Variants in GNPTAB observed in about 807,000 individuals in gnomAD.
GNPTAB encodes N-acetylglucosamine-1-phosphotransferase subunits alpha/beta.
A neutral mutation model predicts 136.6 loss-of-function variants in GNPTAB; 92 were observed. The ratio of observed to expected loss-of-function variants is 0.67; its 90% CI spans 0.57 to 0.80. The LOEUF is 0.80. Among genes scored for constraint, GNPTAB ranks in the 30% least tolerant of loss-of-function variants. The pLI, the probability that GNPTAB is intolerant of heterozygous loss-of-function variation, is 0.00. For missense variants in GNPTAB, 1,343 were observed against 1,501.8 expected, an observed-to-expected ratio of 0.89 and a Z score of 1.75; for synonymous variants, 512 against 535.1, an observed-to-expected ratio of 0.96 and a Z score of 0.60.
In GNPTAB at chr12:101,765,069, C is replaced by T. The variant is rs376352491; in HGVS notation, c.1848G>A (p.Thr616=). 4.2e-5 allele frequency: 68 copies of T among 1,613,910 alleles called. No individual in the cohort carries two copies. Among genetic ancestry groups the T allele is most frequent in the South Asian group, 2.3e-4 (21 of 91,074 alleles). The change falls in exon 13 of 21, where the codon ACG becomes ACA. Residue 616 remains threonine (T), a synonymous_variant. Coordinates refer to ENST00000299314, the MANE Select transcript of GNPTAB (RefSeq NM_024312.5). ...ACTCTTCATCGTTTGTATTTTGAAACGTGAGATTAAAATGTATTGTGGTGG... is the reference window on the plus strand; with the variant it reads ...ACTCTTCATCGTTTGTATTTTGAAATGTGAGATTAAAATGTATTGTGGTGG... The part of the protein sequence containing the change: ...MNATTIHFNL[T]FQNTNDEEFK...
chr12:101,817,523 C>T lies in GNPTAB; in HGVS notation c.117+13036G>A, dbSNP rs192208229. Among the ~76,000 whole-genome samples the T allele has an allele frequency of 1.2e-3, 185 of 152,178 alleles. 2 individuals carry two copies. Among genetic ancestry groups the T allele is most frequent in the African/African-American group, 4.1e-3 (170 of 41,518 alleles). ...AGTTCAAGCAACCCACCCACCTAAGCCTCTCAAAGTGCTGGGATTCAGGTG... is the reference window on the plus strand; with the variant it reads ...AGTTCAAGCAACCCACCCACCTAAGTCTCTCAAAGTGCTGGGATTCAGGTG... On this transcript the variant is annotated intron_variant, in intron 1 of 20. Coordinates refer to ENST00000299314, the MANE Select transcript of GNPTAB (RefSeq NM_024312.5).
intron 20 of GNPTAB, among the ~76,000 whole-genome samples, chr12:101,747,928 C>A: frequency 6.6e-6 from 1 of 152,164 alleles, no homozygotes; most frequent in African/African-American, 2.4e-5. Context: ...CTCTCTAGTT[C>A]CCTATTCTCT....
intron 8 of GNPTAB, 97 bp downstream of exon 8, chr12:101,770,899 T>A: frequency 8.2e-7 from 1 of 1,225,304 alleles, no homozygotes. Flanking sequence ...AACTCACCTC[T>A]CTGTAAGTCC....
chr12:101,770,455 G>A lies in GNPTAB; in HGVS notation c.1064C>T (p.Pro355Leu). Reference sequence around the variant, plus strand: ...AGGATTGTCAAGGTTCAGCCAGGATGGAATCTGCCCGTTGGTGACAATGAA... The same window carrying A: ...AGGATTGTCAAGGTTCAGCCAGGATAGAATCTGCCCGTTGGTGACAATGAA... ...NIFIVTNGQI[P>L]SWLNLDNPRV... The change falls in exon 9 of 21, where the codon CCA becomes CTA. Residue 355 changes from proline (P) to leucine (L), a missense_variant. By Grantham distance (98) the Pro-to-Leu change is moderately conservative (BLOSUM62 -3). Transcript: ENST00000299314. 1 of 1,613,880 alleles carries A rather than the reference G, an allele frequency of 6.2e-7. No individual in the cohort carries two copies. Among genetic ancestry groups the A allele is most frequent in the Non-Finnish European group, 8.5e-7 (1 of 1,179,756 alleles).
At position 101,747,143 on chromosome 12, in the gene GNPTAB, T is replaced by C. The variant is rs1277060980; in HGVS notation, c.*21A>G. The C allele has an allele frequency of 3.0e-6, 4 of 1,343,614 alleles. No homozygotes were observed. The highest frequency in any genetic ancestry group is 1.7e-5 in the Admixed American group (1 of 59,646). The allele number at this position is 1,343,614 out of a possible 1,614,324, so 83.2% of individuals were successfully genotyped here. ...AATGCTCAGTAAATGCTGAGGTAGA[T>C]GGTTTTCAAATGAAGATCTTCTATA... On this transcript the variant is annotated 3_prime_UTR_variant, in exon 21 of 21. Coordinates refer to ENST00000299314, the MANE Select transcript of GNPTAB (RefSeq NM_024312.5).
intron 4 of GNPTAB, among the ~76,000 whole-genome samples, chr12:101,786,501 T>C (rs1406048227): frequency 6.6e-6 from 1 of 152,174 alleles, no homozygotes; most frequent in African/African-American, 2.4e-5. Context: ...AGCACTTCAT[T>C]ACTATCATTT....
chr12:101,803,779 A>G (rs1194705684), intron 1 of GNPTAB, among the ~76,000 whole-genome samples: 3 of 152,240 alleles, frequency 2.0e-5, no homozygotes, highest in Non-Finnish European at 2.9e-5. Flanking sequence ...ATGAGTACAG[A>G]TTAAAATATA....
At chr12:101,799,232 A>G (rs933588139) in intron 1 of GNPTAB, among the ~76,000 whole-genome samples, 1 of 152,232 alleles carries the variant, frequency 6.6e-6, no homozygotes, top group African/African-American at 2.4e-5. Flanking sequence ...TTAGATAACA[A>G]CTTAAAGCAA....
At chr12:101,815,661 C>T (rs1480189817) in intron 1 of GNPTAB, among the ~76,000 whole-genome samples, 3 of 150,268 alleles carry the variant, frequency 2.0e-5, no homozygotes, top group African/African-American at 2.4e-5. Context: ...AACAAAGACA[C>T]TTTACTTTCA....
intron 20 of GNPTAB, among the ~76,000 whole-genome samples, chr12:101,747,715 A>G (rs1952754805): frequency 1.8e-5 from 1 of 56,998 alleles, no homozygotes; most frequent in African/African-American, 9.3e-5. Context: ...TTGAATGATG[A>G]GCTGGAATTT....
rs1006716712 is a variant in GNPTAB at position 101,786,364 on chromosome 12, G to C, written c.366-147C>G. 8 of 698,036 alleles carry C rather than the reference G, an allele frequency of 1.1e-5. No individual in the cohort carries two copies. The African/African-American group carries it at 1.4e-4, about 13-fold the overall frequency. The allele number at this position is 698,036 out of a possible 1,614,324, so 43.2% of individuals were successfully genotyped here. On this transcript the variant is annotated intron_variant, in intron 4 of 20. Coordinates refer to ENST00000299314, the MANE Select transcript of GNPTAB (RefSeq NM_024312.5). ...AACAAATGAAGACTTTTATCTCATG[G>C]ATACAAAAATTAAGTTAGCAAGTAT...
intron 1 of GNPTAB, among the ~76,000 whole-genome samples, chr12:101,801,986 A>G (rs912798664): frequency 2.0e-5 from 3 of 152,068 alleles, no homozygotes; most frequent in Non-Finnish European, 2.9e-5. Context: ...TCAGGAGTTC[A>G]TGGCCAGCCT....
In GNPTAB at chr12:101,764,243, A is replaced by AAAAGCCC. The variant is rs767694919; in HGVS notation, c.2667_2673dup (p.Leu892GlyfsTer30). On this transcript the variant is annotated frameshift_variant, in exon 13 of 21. Transcript: ENST00000299314. LOFTEE classifies it high-confidence loss of function. ...AAATACTTTTTTTTCTCCCATGGCAAAAAGCCCAAGTAACTATCTGTGTAA... is the reference window on the plus strand; with the variant it reads ...AAATACTTTTTTTTCTCCCATGGCAAAAAGCCCAAAGCCCAAGTAACTATCTGTGTAA... 1 of 1,614,042 alleles carries AAAAGCCC rather than the reference A, an allele frequency of 6.2e-7. No individual in the cohort carries two copies. Among genetic ancestry groups the AAAAGCCC allele is most frequent in the Admixed American group, 1.7e-5 (1 of 59,978 alleles).
In GNPTAB at chr12:101,770,187, A is replaced by G; in HGVS notation, c.1118T>C (p.Val373Ala). ...AGGCAAGTGGCTCAAATTTCGAAAA[A>G]CATCCTTTTAACAACAACAAACAAA... ...PRVTIVTHQD[V>A]FRNLSHLPTF... The change falls in exon 10 of 21, where the codon GTT becomes GCT. Residue 373 changes from valine to alanine, a missense_variant. Transcript: ENST00000299314. 6.2e-7 allele frequency: 1 copy of G among 1,614,136 alleles called. No individual in the cohort carries two copies. Among genetic ancestry groups the G allele is most frequent in the Non-Finnish European group, 8.5e-7 (1 of 1,179,992 alleles).
At chr12:101,751,600 G>A (rs1219575917) in intron 19 of GNPTAB, among the ~76,000 whole-genome samples, 4 of 152,234 alleles carry the variant, frequency 2.6e-5, no homozygotes, top group African/African-American at 9.6e-5. Context: ...AATGTGCAGA[G>A]GACTGGGAGT....
intron 2 of GNPTAB, chr12:101,796,108 T>G: frequency 1.6e-6 from 1 of 643,368 alleles, no homozygotes; most frequent in Non-Finnish European, 2.8e-6. Flanking sequence ...GAGTGACCAA[T>G]GGAGTGGGGT....
chr12:101,771,036 C>T lies in GNPTAB; in HGVS notation c.893G>A (p.Ser298Asn). The change falls in exon 8 of 21, where the codon AGT becomes AAT. Residue 298 changes from serine to asparagine, a missense_variant. Physicochemically the swap from Ser to Asn is conservative, Grantham distance 46. Coordinates refer to ENST00000299314, the MANE Select transcript of GNPTAB (RefSeq NM_024312.5). ...MTIDGKELTI[S>N]PAYLLWDLSA... ...CAGATCCCATAATAAATATGCAGGA[C>T]TTATGGTCAGTTCTTTTCCATCAAT... 1 of 1,614,092 alleles carries T rather than the reference C, an allele frequency of 6.2e-7. No individual in the cohort carries two copies. The highest frequency in any genetic ancestry group is 8.5e-7 in the Non-Finnish European group (1 of 1,179,954).
intron 1 of GNPTAB, among the ~76,000 whole-genome samples, chr12:101,813,866 G>A (rs1870367270): frequency 1.3e-5 from 2 of 152,118 alleles, no homozygotes; most frequent in South Asian, 2.1e-4. Context: ...AGATCACAAG[G>A]TCAGGAGTTT....
intron 1 of GNPTAB, among the ~76,000 whole-genome samples, chr12:101,806,748 A>G (rs1179636078): frequency 6.6e-6 from 1 of 152,196 alleles, no homozygotes; most frequent in Non-Finnish European, 1.5e-5. Flanking sequence ...TCATCTGAAT[A>G]GGGCTATATC....
Sources: gnomAD v4.1 joint callset for allele counts (sites outside exome capture counted in the v4.1 genomes callset) on GRCh38, gnomAD v4.1.1 for gene constraint, MANE v1.5 for transcripts, NCBI Gene and HGNC (gene_info 2026-07-23, HGNC 2026-07-21) for gene names.